Variants in ZFAND6 observed in about 807,000 individuals in gnomAD.
ZFAND6 encodes the protein AN1-type zinc finger protein 6.
Under a neutral mutation model 24.5 loss-of-function variants are expected in ZFAND6, and 12 were observed. That is an observed-to-expected ratio of 0.49 (90% CI 0.31 to 0.79). The LOEUF is 0.79. ZFAND6 is among the 30% of genes least tolerant of loss of function. The pLI, the probability that ZFAND6 is intolerant of heterozygous loss-of-function variation, is 0.04. For missense variants in ZFAND6, 207 were observed against 245.9 expected, an observed-to-expected ratio of 0.84 and a Z score of 1.06; for synonymous variants, 92 against 81.5, an observed-to-expected ratio of 1.13 and a Z score of -0.69.
intron 2 of ZFAND6, among the ~76,000 whole-genome samples, chr15:80,115,617 G>A (rs548809996): frequency 6.6e-6 from 1 of 151,676 alleles, no homozygotes; most frequent in East Asian, 1.9e-4. Flanking sequence ...ATGGTTTTTT[G>A]TCTTTTTCAG....
At chr15:80,068,581 A>T (rs934597602) in intron 1 of ZFAND6, among the ~76,000 whole-genome samples, 2 of 152,204 alleles carry the variant, frequency 1.3e-5, no homozygotes, top group Admixed American at 1.3e-4. Flanking sequence ...CATATTGGCC[A>T]GGCTGGTCTC....
intron 1 of ZFAND6, among the ~76,000 whole-genome samples, chr15:80,095,159 A>G (rs903358578): frequency 5.9e-5 from 9 of 152,174 alleles, no homozygotes; most frequent in Non-Finnish European, 8.8e-5. Context: ...TCCTTTAATC[A>G]GGAACATTTC....
rs558075188 is a variant in ZFAND6, at chr15:80,124,207, G to A, written c.364+1407G>A. 4.3e-4 allele frequency among the ~76,000 whole-genome samples: 66 copies of A among 152,348 alleles called. 1 individual carries two copies. Among genetic ancestry groups the A allele is most frequent in the African/African-American group, 1.5e-3 (61 of 41,588 alleles). ...CCAGCACTTTGGGAGGCTGAAGCGG[G>A]TGGATCACGAGGTCAGGAGATCGAG... On this transcript the variant is annotated intron_variant, in intron 5 of 6. Coordinates refer to ENST00000261749, the MANE Select transcript of ZFAND6 (RefSeq NM_019006.4).
chr15:80,130,166 A>T (rs2040535268), intron 5 of ZFAND6: 1 of 152,234 alleles, frequency 6.6e-6, no homozygotes, highest in African/African-American at 2.4e-5. Flanking sequence ...GAGGGAACTC[A>T]TGAGGTGCCC....
intron 2 of ZFAND6, among the ~76,000 whole-genome samples, chr15:80,116,918 C>A (rs2039900877): frequency 6.6e-6 from 1 of 152,228 alleles, no homozygotes; most frequent in Middle Eastern, 3.4e-3. Context: ...CATTAAAATT[C>A]ATTGGCTTTT....
intron 5 of ZFAND6, among the ~76,000 whole-genome samples, chr15:80,126,290 C>G (rs577527825): frequency 9.8e-5 from 15 of 152,330 alleles, no homozygotes; most frequent in African/African-American, 3.4e-4. Flanking sequence ...TTTTAAAAAT[C>G]AGGCATTTCT....
At chr15:80,106,020 C>G (rs1045187971) in intron 2 of ZFAND6, among the ~76,000 whole-genome samples, 2 of 152,132 alleles carry the variant, frequency 1.3e-5, no homozygotes, top group African/African-American at 4.8e-5. Context: ...ACGTGAAAAT[C>G]AGACATTAGT....
At chr15:80,087,366 G>T (rs1168779331) in intron 1 of ZFAND6, among the ~76,000 whole-genome samples, 4 of 152,102 alleles carry the variant, frequency 2.6e-5, no homozygotes, top group Non-Finnish European at 5.9e-5. Context: ...GATGTGGAGT[G>T]GTATTCTATT....
intron 6 of ZFAND6, among the ~76,000 whole-genome samples, chr15:80,136,193 A>T (rs1185008371): frequency 6.6e-6 from 1 of 152,040 alleles, no homozygotes; most frequent in African/African-American, 2.4e-5. Context: ...AGGGCTGGGC[A>T]TGGTGGCTCA....
At chr15:80,107,511 GA>G (rs2039394179) in intron 2 of ZFAND6, among the ~76,000 whole-genome samples, 1 of 152,076 alleles carries the variant, frequency 6.6e-6, no homozygotes, top group Admixed American at 6.6e-5. Flanking sequence ...TGAATAAGAC[GA>G]ATAACAAGTT....
chr15:80,099,484 A>G (rs1343178978), intron 2 of ZFAND6, among the ~76,000 whole-genome samples: 1 of 152,226 alleles, frequency 6.6e-6, no homozygotes, highest in Non-Finnish European at 1.5e-5. Context: ...CAGTGTATGC[A>G]CTAAAATGAA....
intron 6 of ZFAND6, among the ~76,000 whole-genome samples, chr15:80,136,879 A>G (rs1168849547): frequency 6.6e-6 from 1 of 152,148 alleles, no homozygotes; most frequent in Non-Finnish European, 1.5e-5. Context: ...TCCTCATTTA[A>G]TCCTTACTTA....
chr15:80,130,492 T>C (rs1306879903), intron 5 of ZFAND6: 1 of 152,208 alleles, frequency 6.6e-6, no homozygotes, highest in East Asian at 1.9e-4. Context: ...TATATGATTC[T>C]GACTCTGGCG....
At chr15:80,093,049 G>A (rs2038483504) in intron 1 of ZFAND6, among the ~76,000 whole-genome samples, 1 of 151,386 alleles carries the variant, frequency 6.6e-6, no homozygotes, top group African/African-American at 2.4e-5. Context: ...CTGCCTCCTC[G>A]GTTCAAGCAA....
At chr15:80,076,189 C>T (rs181276830) in intron 1 of ZFAND6, among the ~76,000 whole-genome samples, 5 of 152,134 alleles carry the variant, frequency 3.3e-5, no homozygotes, top group East Asian at 3.9e-4. Context: ...ATTAATGGTT[C>T]CAACGTCTGA....
At chr15:80,097,163 C>T (rs2038773702) in intron 1 of ZFAND6, among the ~76,000 whole-genome samples, 2 of 151,894 alleles carry the variant, frequency 1.3e-5, no homozygotes, top group Middle Eastern at 6.8e-3. Context: ...CCATGCCCTG[C>T]TAATTTTTGT....
intron 1 of ZFAND6, among the ~76,000 whole-genome samples, chr15:80,064,572 A>T (rs933042078): frequency 1.3e-5 from 2 of 149,596 alleles, no homozygotes; most frequent in African/African-American, 4.9e-5. Context: ...CTGCAAATAT[A>T]CATATACACA....
chr15:80,112,339 T>A (rs1199909787), intron 2 of ZFAND6, among the ~76,000 whole-genome samples: 1 of 152,226 alleles, frequency 6.6e-6, no homozygotes, highest in Non-Finnish European at 1.5e-5. Context: ...TCAGAGTGAC[T>A]AGCATTCATC....
intron 1 of ZFAND6, among the ~76,000 whole-genome samples, chr15:80,077,372 A>C (rs2037343951): frequency 6.6e-6 from 1 of 152,222 alleles, no homozygotes; most frequent in Admixed American, 6.5e-5. Flanking sequence ...GTGAACAGAA[A>C]AATAGTTGAT....
Sources: gnomAD v4.1 joint callset for allele counts (sites outside exome capture counted in the v4.1 genomes callset) on GRCh38, gnomAD v4.1.1 for gene constraint, MANE v1.5 for transcripts, NCBI Gene and HGNC (gene_info 2026-07-23, HGNC 2026-07-21) for gene names.